The following DPP10 variants were observed in gnomAD, a reference collection of about 807,000 sequenced individuals.
DPP10 encodes the protein dipeptidyl peptidase like 10.
A neutral mutation model predicts 120.9 loss-of-function variants in DPP10; 33 were observed. That is an observed-to-expected ratio of 0.27 (90% CI 0.21 to 0.37). The LOEUF is 0.37. Ranked by LOEUF, DPP10 falls within the 10% of genes least tolerant of loss-of-function variation. The pLI is 1.00. For synonymous variants in DPP10, 337 were observed against 326.1 expected, an observed-to-expected ratio of 1.03 and a Z score of -0.36; for missense variants, 816 against 942.8, an observed-to-expected ratio of 0.87 and a Z score of 1.76.
intron 1 of DPP10, among the ~76,000 whole-genome samples, chr2:115,137,435 C>A (rs2050702557): frequency 6.6e-6 from 1 of 152,164 alleles, no homozygotes; most frequent in Non-Finnish European, 1.5e-5. Flanking sequence ...CAGGATGTGG[C>A]AAGACTGAGG....
In DPP10 at chr2:115,752,959, G is replaced by A. The variant is rs1678936072; in HGVS notation, c.951-215G>A. Among the ~76,000 whole-genome samples, 4 of 151,904 alleles carry A rather than the reference G, an allele frequency of 2.6e-5. No individual in the cohort carries two copies. In the South Asian group the frequency reaches 8.3e-4, roughly 32 times the overall value. On this transcript the variant is annotated intron_variant, in intron 10 of 25. Transcript: ENST00000410059. ...TTTGTATACATATGTATACATCCAT[G>A]TGAATACATACATACACATATATTT...
At chr2:115,490,856 C>T (rs187972890) in intron 3 of DPP10, among the ~76,000 whole-genome samples, 8 of 152,314 alleles carry the variant, frequency 5.3e-5, no homozygotes, top group Non-Finnish European at 1.0e-4. Flanking sequence ...TGGTGGCTCA[C>T]GCCCATATTC....
intron 5 of DPP10, among the ~76,000 whole-genome samples, chr2:115,531,192 C>G (rs889810056): frequency 6.7e-6 from 1 of 149,586 alleles, no homozygotes; most frequent in Non-Finnish European, 1.5e-5. Context: ...AATGTACATG[C>G]TCAGCATAGC....
At chr2:115,556,059 T>C (rs1046062799) in intron 5 of DPP10, among the ~76,000 whole-genome samples, 1 of 152,112 alleles carries the variant, frequency 6.6e-6, no homozygotes, top group African/African-American at 2.4e-5. Flanking sequence ...ATTTTTGAAA[T>C]AGGAAAATTT....
At chr2:115,557,805 C>G (rs1173159747) in intron 5 of DPP10, among the ~76,000 whole-genome samples, 2 of 152,136 alleles carry the variant, frequency 1.3e-5, no homozygotes, top group Admixed American at 6.5e-5. Context: ...AATGCAGAGG[C>G]TCCTACCTAG....
At chr2:114,953,279 T>A (rs1697931463) in intron 1 of DPP10, among the ~76,000 whole-genome samples, 1 of 152,164 alleles carries the variant, frequency 6.6e-6, no homozygotes, top group African/African-American at 2.4e-5. Flanking sequence ...CATAAGGCAC[T>A]TAGTTAAAAT....
At chr2:115,336,638 A>T (rs930866846) in intron 2 of DPP10, among the ~76,000 whole-genome samples, 1 of 151,528 alleles carries the variant, frequency 6.6e-6, no homozygotes, top group East Asian at 1.9e-4. Context: ...ATTTTGTTAC[A>T]GAATCACTAG....
intron 1 of DPP10, among the ~76,000 whole-genome samples, chr2:115,237,811 C>T (rs975341573): frequency 1.3e-5 from 2 of 152,156 alleles, no homozygotes; most frequent in Admixed American, 1.3e-4. Flanking sequence ...TAACTCCCTT[C>T]AGTTCTATAA....
intron 1 of DPP10, among the ~76,000 whole-genome samples, chr2:114,499,819 C>A (rs1016512912): frequency 2.0e-5 from 3 of 152,204 alleles, no homozygotes; most frequent in African/African-American, 7.2e-5. Flanking sequence ...TAGATTGGTT[C>A]TTGTGATGCT....
At chr2:114,606,047 G>T (rs1409732114) in intron 1 of DPP10, among the ~76,000 whole-genome samples, 1 of 151,986 alleles carries the variant, frequency 6.6e-6, no homozygotes, top group Non-Finnish European at 1.5e-5. Context: ...TAACGATTTG[G>T]GCAGGAGAGT....
intron 1 of DPP10, among the ~76,000 whole-genome samples, chr2:114,550,789 C>G (rs1687822317): frequency 6.6e-6 from 1 of 152,178 alleles, no homozygotes; most frequent in African/African-American, 2.4e-5. Context: ...ACCTGTGTGT[C>G]TCTCAAGGTT....
rs796934060 is a variant in DPP10, at chr2:115,768,416, C to CT, written c.1221+18dup. On this transcript the variant is annotated intron_variant, in intron 13 of 25. Transcript: ENST00000410059. ...TGTTCCTCATCCAGGTAAGTGCTGG[C>CT]TTTTTTCCATGTTTTGATTTCATTG... 1 of 1,606,614 alleles carries CT rather than the reference C, an allele frequency of 6.2e-7. No individual in the cohort carries two copies. The highest frequency in any genetic ancestry group is 2.2e-5 in the East Asian group (1 of 44,734).
intron 21 of DPP10, 28 bp from the exon 22 acceptor site, chr2:115,836,119 GATATATATAT>G: frequency 1.4e-6 from 1 of 730,146 alleles, no homozygotes; most frequent in Non-Finnish European, 2.0e-6. Flanking sequence ...GTGTGTGTGA[GATATATATAT>G]ATATATATAT....
At chr2:114,866,713 A>C (rs567649414) in intron 1 of DPP10, among the ~76,000 whole-genome samples, 24 of 152,344 alleles carry the variant, frequency 1.6e-4, no homozygotes, top group Admixed American at 8.5e-4. Flanking sequence ...ACATGCAAAA[A>C]ATTGCATAAG....
intron 5 of DPP10, among the ~76,000 whole-genome samples, chr2:115,687,424 A>T (rs1345196484): frequency 6.6e-6 from 1 of 152,030 alleles, no homozygotes; most frequent in Non-Finnish European, 1.5e-5. Context: ...AACTCAGAGT[A>T]AAGGGCTAGG....
At chr2:115,005,451 AG>A (rs1379957832) in intron 1 of DPP10, among the ~76,000 whole-genome samples, 1 of 151,750 alleles carries the variant, frequency 6.6e-6, no homozygotes, top group Non-Finnish European at 1.5e-5. Context: ...CCAAAGGCAA[AG>A]AAGTTGAAAA....
At chr2:114,936,213 G>C (rs192233930) in intron 1 of DPP10, among the ~76,000 whole-genome samples, 2 of 151,956 alleles carry the variant, frequency 1.3e-5, no homozygotes, top group Non-Finnish European at 2.9e-5. Context: ...AGCTTAGCTC[G>C]CACTTTAAGA....
At chr2:115,432,588 G>A (rs1480866553) in intron 3 of DPP10, among the ~76,000 whole-genome samples, 2 of 150,934 alleles carry the variant, frequency 1.3e-5, no homozygotes, top group African/African-American at 4.9e-5. Context: ...GTTAATTCAA[G>A]TTCAATTTTG....
rs552049552 is a variant in DPP10 at position 115,345,819 on chromosome 2, A to G, written c.271+1907A>G. On this transcript the variant is annotated intron_variant, in intron 3 of 25. Coordinates refer to ENST00000410059, the MANE Select transcript of DPP10 (RefSeq NM_020868.6). The stretch of plus-strand genomic sequence containing the variant: ...ATTCTACTCTTATACTTCATAGGTT[A>G]CCAAAATAATATATTTGGAGTTTAT... Among the ~76,000 whole-genome samples, 230 of 152,320 alleles carry G rather than the reference A, an allele frequency of 1.5e-3. 1 individual carries two copies. Among genetic ancestry groups the G allele is most frequent in the African/African-American group, 5.3e-3 (220 of 41,588 alleles).
Sources: allele counts gnomAD v4.1 joint callset (sites outside exome capture counted in the v4.1 genomes callset), GRCh38; gene constraint gnomAD v4.1.1; transcripts MANE v1.5; gene names NCBI Gene and HGNC (gene_info 2026-07-23, HGNC 2026-07-21).